CCDC178: variants seen among roughly 807,000 people sequenced by gnomAD.
CCDC178 encodes the protein coiled-coil domain-containing protein 178.
In CCDC178, 126 loss-of-function variants were observed where a neutral mutation model predicts 117.4. That is an observed-to-expected ratio of 1.07 (90% CI 0.93 to 1.24). CCDC178 has a LOEUF of 1.24. Among genes scored for constraint, CCDC178 ranks in the 50% most tolerant of loss-of-function variants. The pLI is 0.00. For synonymous variants in CCDC178, 283 were observed against 313.4 expected, an observed-to-expected ratio of 0.90 and a Z score of 1.02; for missense variants, 1,030 against 986.9, an observed-to-expected ratio of 1.04 and a Z score of -0.59.
chr18:33,149,730 A>C (rs1453983516), intron 20 of CCDC178, among the ~76,000 whole-genome samples: 1 of 152,222 alleles, frequency 6.6e-6, no homozygotes, highest in Non-Finnish European at 1.5e-5. Context: ...CATGTAGCAG[A>C]TTGAATTATT....
At chr18:33,337,794 A>G (rs891154294) in intron 9 of CCDC178, among the ~76,000 whole-genome samples, 2 of 152,192 alleles carry the variant, frequency 1.3e-5, no homozygotes, top group East Asian at 1.9e-4. Context: ...AATACTTGAA[A>G]TCATAAAGAT....
At chr18:33,360,549 T>C (rs1227345268) in intron 6 of CCDC178, among the ~76,000 whole-genome samples, 1 of 151,448 alleles carries the variant, frequency 6.6e-6, no homozygotes, top group Non-Finnish European at 1.5e-5. Context: ...GCTATCAAAA[T>C]TGAAAATGAA....
At chr18:33,274,850 A>G (rs570107631) in intron 12 of CCDC178, among the ~76,000 whole-genome samples, 6 of 152,216 alleles carry the variant, frequency 3.9e-5, no homozygotes, top group African/African-American at 1.4e-4. Context: ...AAGTTATGAG[A>G]CAATCATGAG....
At chr18:33,213,512 T>G (rs1303729144) in intron 19 of CCDC178, among the ~76,000 whole-genome samples, 1 of 151,954 alleles carries the variant, frequency 6.6e-6, no homozygotes, top group Non-Finnish European at 1.5e-5. Context: ...GGAGCTAGTG[T>G]GACCAAAACG....
chr18:33,181,523 T>C (rs1188771909), intron 20 of CCDC178, among the ~76,000 whole-genome samples: 2 of 151,976 alleles, frequency 1.3e-5, no homozygotes, highest in East Asian at 3.9e-4. Flanking sequence ...ATGAAATGCA[T>C]GCAAACATGT....
chr18:33,150,319 T>C (rs1250309709), intron 20 of CCDC178, among the ~76,000 whole-genome samples: 1 of 152,084 alleles, frequency 6.6e-6, no homozygotes, highest in Non-Finnish European at 1.5e-5. Flanking sequence ...TTCCAGGCAT[T>C]AACTTAGGCA....
chr18:33,091,229 G>A (rs900596377), intron 21 of CCDC178, among the ~76,000 whole-genome samples: 1 of 149,872 alleles, frequency 6.7e-6, no homozygotes, highest in Non-Finnish European at 1.5e-5. Context: ...ATACATACAT[G>A]CCCTTTCTTT....
intron 21 of CCDC178, among the ~76,000 whole-genome samples, chr18:32,985,148 A>G (rs890785681): frequency 2.0e-5 from 3 of 152,022 alleles, no homozygotes; most frequent in African/African-American, 7.2e-5. Flanking sequence ...CAAAATTTCA[A>G]GAAGAAATAT....
At chr18:33,332,245 T>A (rs2062678885) in intron 10 of CCDC178, among the ~76,000 whole-genome samples, 1 of 152,164 alleles carries the variant, frequency 6.6e-6, no homozygotes, top group Admixed American at 6.5e-5. Context: ...ATGAAATTCA[T>A]TATAAAGATT....
At chr18:32,991,583 C>T (rs1317765851) in intron 21 of CCDC178, among the ~76,000 whole-genome samples, 2 of 152,126 alleles carry the variant, frequency 1.3e-5, no homozygotes, top group Non-Finnish European at 2.9e-5. Flanking sequence ...AAATTTTTAA[C>T]ATTTGTGCTC....
chr18:33,038,564 T>C (rs1178154347), intron 21 of CCDC178, among the ~76,000 whole-genome samples: 1 of 152,036 alleles, frequency 6.6e-6, no homozygotes, highest in African/African-American at 2.4e-5. Flanking sequence ...AAACTTAGAA[T>C]GTCATGTTCT....
chr18:33,330,175 TG>T (rs2062646676), intron 10 of CCDC178, among the ~76,000 whole-genome samples: 1 of 152,130 alleles, frequency 6.6e-6, no homozygotes, highest in Non-Finnish European at 1.5e-5. Flanking sequence ...TTTTCATTTT[TG>T]AGTATTGTCA....
chr18:33,240,453 TAAAC>T (rs1319832891), intron 15 of CCDC178, among the ~76,000 whole-genome samples: 2 of 148,796 alleles, frequency 1.3e-5, no homozygotes, highest in African/African-American at 4.9e-5. Context: ...TTTGAGAAAA[TAAAC>T]AAAATTGAGA....
Position 33,068,532 on chromosome 18 carries a change from C to T in CCDC178, c.2388+24229G>A, listed in dbSNP as rs1037443681. The stretch of plus-strand genomic sequence containing the variant: ...GGTTCAACATTTAAAACTCAATAAA[C>T]GTGATGGATAACATCAATAGAATGA... On this transcript the variant is annotated intron_variant, in intron 21 of 22. Coordinates refer to ENST00000383096, the MANE Select transcript of CCDC178 (RefSeq NM_001105528.4). Among the ~76,000 whole-genome samples the T allele has an allele frequency of 2.7e-5, 4 of 150,912 alleles. No individual in the cohort carries two copies. In the East Asian group the frequency reaches 5.8e-4, roughly 22 times the overall value.
intron 4 of CCDC178, among the ~76,000 whole-genome samples, chr18:33,393,342 T>C (rs1054941313): frequency 1.3e-5 from 2 of 152,222 alleles, no homozygotes; most frequent in Non-Finnish European, 2.9e-5. Context: ...AATGTTTTAA[T>C]GGTTTTAGAG....
chr18:32,993,637 T>C (rs986664337), intron 21 of CCDC178, among the ~76,000 whole-genome samples: 1 of 152,164 alleles, frequency 6.6e-6, no homozygotes, highest in Non-Finnish European at 1.5e-5. Context: ...TTGAATGTGA[T>C]CTTTTATCAT....
chr18:33,389,560 C>T lies in CCDC178; in HGVS notation c.188G>A (p.Ser63Asn). 2.0e-6 allele frequency: 3 copies of T among 1,517,800 alleles called. No homozygotes were observed. Among genetic ancestry groups the T allele is most frequent in the Non-Finnish European group, 2.6e-6 (3 of 1,132,276 alleles). 94.0% of individuals were successfully genotyped at this position (1,517,800 alleles called of 1,614,324 possible). ...SKENSEGFHE[S>N]KMTNTEGVNK... ...CTCACCTTCAGTATTTGTCATTTTA[C>T]TTTCATGAAAACCTTCACTGTTCTC... The change falls in exon 5 of 23, where the codon AGT becomes AAT. Residue 63 changes from serine to asparagine, a missense_variant. Ser to Asn is a conservative substitution (Grantham distance 46). Transcript: ENST00000383096.
chr18:33,292,008 T>C (rs2060171722), intron 12 of CCDC178, among the ~76,000 whole-genome samples: 1 of 133,798 alleles, frequency 7.5e-6, no homozygotes, highest in African/African-American at 2.6e-5. Context: ...ATCACAGCAG[T>C]ATGGAGATTC....
At chr18:33,387,382 A>G (rs2063507191) in intron 5 of CCDC178, among the ~76,000 whole-genome samples, 1 of 152,226 alleles carries the variant, frequency 6.6e-6, no homozygotes, top group Non-Finnish European at 1.5e-5. Context: ...AGAACCAAAA[A>G]AAAGCTCACA....
Sources: gnomAD v4.1 joint callset for allele counts (sites outside exome capture counted in the v4.1 genomes callset) on GRCh38, gnomAD v4.1.1 for gene constraint, MANE v1.5 for transcripts, NCBI Gene and HGNC (gene_info 2026-07-23, HGNC 2026-07-21) for gene names.